Variants in TTC6 observed in about 807,000 individuals in gnomAD.
TTC6 encodes tetratricopeptide repeat protein 6.
In TTC6, 172 loss-of-function variants were observed where a neutral mutation model predicts 210.4. That is an observed-to-expected ratio of 0.82 (90% CI 0.72 to 0.93). The LOEUF (loss-of-function observed/expected upper bound fraction) is 0.93. Among genes scored for constraint, TTC6 ranks in the 40% least tolerant of loss-of-function variants. The pLI is 0.00. For synonymous variants in TTC6, 804 were observed against 819.6 expected (o/e 0.98, Z 0.32); for missense variants, 2,414 against 2,318.1 (o/e 1.04, Z -0.85).
chr14:37,742,715 G>A (rs545812779), intron 10 of TTC6, among the ~76,000 whole-genome samples: 174 of 152,192 alleles, frequency 1.1e-3, no homozygotes, highest in Non-Finnish European at 1.6e-3. Flanking sequence ...ACTGCGTCTG[G>A]CCATCAGGCC....
intron 3 of TTC6, among the ~76,000 whole-genome samples, chr14:37,688,224 G>T (rs2095797488): frequency 6.6e-6 from 1 of 152,138 alleles, no homozygotes; most frequent in East Asian, 1.9e-4. Context: ...TGAAAAGTGG[G>T]GAGAAGAGTG....
chr14:37,834,182 G>A (rs985141121), intron 29 of TTC6, among the ~76,000 whole-genome samples: 13 of 152,174 alleles, frequency 8.5e-5, no homozygotes, highest in African/African-American at 2.6e-4. Flanking sequence ...TTTTTGGGTT[G>A]AATCTATCTG....
chr14:37,751,173 G>A, exon 13 of TTC6: 2 of 1,531,032 alleles, frequency 1.3e-6, no homozygotes, highest in South Asian at 1.2e-5. Context: ...TTCAGGAGGG[G>A]TGAGATGTAT....
chr14:37,773,007 T>C (rs1048061080), intron 14 of TTC6, among the ~76,000 whole-genome samples: 1 of 152,210 alleles, frequency 6.6e-6, no homozygotes, highest in Non-Finnish European at 1.5e-5. Context: ...ATTAGTGATA[T>C]TGAGCATTTT....
chr14:37,804,512 T>G (rs2139403331), intron 20 of TTC6, among the ~76,000 whole-genome samples, 168 bp from the exon 23 acceptor site: 1 of 152,322 alleles, frequency 6.6e-6, no homozygotes, highest in African/African-American at 2.4e-5. Flanking sequence ...GGTTCTCTTC[T>G]TGTAGTGTAC....
intron 8 of TTC6, among the ~76,000 whole-genome samples, chr14:37,736,956 T>TAAAAA: frequency 6.6e-6 from 1 of 152,096 alleles, no homozygotes; most frequent in South Asian, 2.1e-4. Context: ...GGGGTCTCAC[T>TAAAAA]ATGTTGCCCA....
chr14:37,645,154 C>G (rs1158826285), intron 1 of TTC6, among the ~76,000 whole-genome samples: 1 of 152,162 alleles, frequency 6.6e-6, no homozygotes. Context: ...TCACTCTTTG[C>G]TAATTTGAAA....
chr14:37,733,335 G>A (rs1033091359), intron 7 of TTC6, among the ~76,000 whole-genome samples: 2 of 151,642 alleles, frequency 1.3e-5, no homozygotes, highest in African/African-American at 4.8e-5. Context: ...TCGCATGTCA[G>A]ACACTTATAT....
chr14:37,659,852 T>A (rs1409665936), intron 1 of TTC6, among the ~76,000 whole-genome samples: 2 of 149,330 alleles, frequency 1.3e-5, no homozygotes, highest in Non-Finnish European at 3.0e-5. Flanking sequence ...GTTTCTCTAA[T>A]GGTTAGTAAA....
At chr14:37,644,727 G>A (rs1324710702) in intron 1 of TTC6, among the ~76,000 whole-genome samples, 11 of 152,134 alleles carry the variant, frequency 7.2e-5, no homozygotes. Flanking sequence ...TTAGCCCTGT[G>A]CTTGGCACTA....
At chr14:37,733,250 A>C (rs1426024048) in intron 7 of TTC6, among the ~76,000 whole-genome samples, 1 of 152,090 alleles carries the variant, frequency 6.6e-6, no homozygotes, top group Admixed American at 6.5e-5. Context: ...GTCCAAACTA[A>C]ATTTTCATTT....
At chr14:37,822,289 T>C (rs546642619) in intron 26 of TTC6, among the ~76,000 whole-genome samples, 18 of 152,264 alleles carry the variant, frequency 1.2e-4, no homozygotes, top group Middle Eastern at 3.4e-3. Flanking sequence ...TAAAAGAAAA[T>C]ATTTAGTAAA....
intron 6 of TTC6, among the ~76,000 whole-genome samples, chr14:37,719,882 CA>C (rs1287235869): frequency 6.6e-6 from 1 of 151,472 alleles, no homozygotes; most frequent in African/African-American, 2.4e-5. Flanking sequence ...TTTTTCTCTA[CA>C]AAAGACCCTG....
chr14:37,840,144 A>G (rs1374886724), intron 29 of TTC6, among the ~76,000 whole-genome samples: 1 of 152,202 alleles, frequency 6.6e-6, no homozygotes, highest in Non-Finnish European at 1.5e-5. Flanking sequence ...ACAATAAAAA[A>G]TGATAAAGGG....
chr14:37,606,499 T>A (rs1016632469), intron 1 of TTC6, among the ~76,000 whole-genome samples, 164 bp from the exon 2 acceptor site: 1 of 152,152 alleles, frequency 6.6e-6, no homozygotes, highest in Non-Finnish European at 1.5e-5. Context: ...CAGCAGCTCC[T>A]CTTCCACAGC....
At chr14:37,833,476 T>C (rs1289695753) in intron 29 of TTC6, among the ~76,000 whole-genome samples, 1 of 152,196 alleles carries the variant, frequency 6.6e-6, no homozygotes, top group Admixed American at 6.5e-5. Context: ...CTCTTAACTC[T>C]CAGTCATGTG....
At chr14:37,749,830 T>C (rs1462716781) in exon 12 of TTC6, 133 of 1,401,762 alleles carry the variant, frequency 9.5e-5, no homozygotes, top group Non-Finnish European at 1.1e-4. Context: ...ATAAATATAA[T>C]AAAAATAATA....
intron 14 of TTC6, among the ~76,000 whole-genome samples, chr14:37,777,105 AG>A (rs1306747438): frequency 1.3e-5 from 2 of 152,106 alleles, no homozygotes; most frequent in African/African-American, 4.8e-5. Flanking sequence ...AGTATTTTGC[AG>A]GGGTTCTCTG....
chr14:37,761,024 G>C (rs1159499883), intron 14 of TTC6, among the ~76,000 whole-genome samples: 7 of 152,086 alleles, frequency 4.6e-5, no homozygotes, highest in Non-Finnish European at 1.0e-4. Flanking sequence ...GGGAGTAAGT[G>C]GTTCTGTCTC....
Sources: allele counts gnomAD v4.1 joint callset (sites outside exome capture counted in the v4.1 genomes callset), GRCh38; gene constraint gnomAD v4.1.1; transcripts MANE v1.5; gene names NCBI Gene and HGNC (gene_info 2026-07-23, HGNC 2026-07-21).